Variants in TBC1D23 observed in about 807,000 individuals in gnomAD.
TBC1D23 encodes the protein HCV non-structural protein 4A-transactivated protein 1.
Under a neutral mutation model 91.4 loss-of-function variants are expected in TBC1D23, and 55 were observed. The observed-to-expected ratio is 0.60, with a 90% CI of 0.48 to 0.75. TBC1D23 has a LOEUF of 0.75. Ranked by LOEUF, TBC1D23 falls within the 30% of genes least tolerant of loss-of-function variation. The pLI, the probability that TBC1D23 is intolerant of heterozygous loss-of-function variation, is 0.00. For missense variants in TBC1D23, 725 were observed against 836.1 expected, an observed-to-expected ratio of 0.87 and a Z score of 1.64; for synonymous variants, 289 against 281.0, an observed-to-expected ratio of 1.03 and a Z score of -0.28.
chr3:100,311,954 G>A (rs1215547822), intron 15 of TBC1D23, 77 bp downstream of exon 15: 3 of 948,272 alleles, frequency 3.2e-6, no homozygotes, highest in Middle Eastern at 2.1e-4. Flanking sequence ...TAAGCCTCAT[G>A]CTGTCTTGGC....
chr3:100,295,604 G>A (rs955736376), intron 7 of TBC1D23, among the ~76,000 whole-genome samples: 2 of 151,690 alleles, frequency 1.3e-5, no homozygotes, highest in African/African-American at 2.4e-5. Context: ...TTCACTGTTC[G>A]AATAGATTGC....
At chr3:100,279,130 C>T (rs1204108582) in intron 1 of TBC1D23, among the ~76,000 whole-genome samples, 2 of 152,132 alleles carry the variant, frequency 1.3e-5, no homozygotes, top group Non-Finnish European at 2.9e-5. Flanking sequence ...TACTGGTAAA[C>T]ACCTAAAAGA....
chr3:100,310,757 G>A (rs1015382306), intron 14 of TBC1D23, among the ~76,000 whole-genome samples: 2 of 152,156 alleles, frequency 1.3e-5, no homozygotes, highest in African/African-American at 2.4e-5. Context: ...TGCAAATAAT[G>A]TATCTGTCAC....
chr3:100,283,459 T>C (rs2067712167), intron 3 of TBC1D23, 148 bp from the exon 4 acceptor site: 2 of 601,658 alleles, frequency 3.3e-6, no homozygotes, highest in South Asian at 2.3e-5. Context: ...TTAAAATAAG[T>C]ATAAGGGAAA....
Position 100,262,341 on chromosome 3 carries a change from G to C in TBC1D23, c.53+1270G>C, listed in dbSNP as rs181317788. On this transcript the variant is annotated intron_variant, in intron 1 of 18. Coordinates refer to ENST00000394144, the MANE Select transcript of TBC1D23 (RefSeq NM_001199198.3). Reference sequence around the variant, plus strand: ...CATGAAAGCAGCAGTGTTTCAACTAGGCTTTGAAGAATAAGTAGGATTTAA... The same window carrying C: ...CATGAAAGCAGCAGTGTTTCAACTACGCTTTGAAGAATAAGTAGGATTTAA... Among the ~76,000 whole-genome samples the C allele has an allele frequency of 4.1e-4, 62 of 152,290 alleles. 1 individual carries two copies. In the Middle Eastern group the frequency reaches 0.01, roughly 25 times the overall value.
intron 9 of TBC1D23, among the ~76,000 whole-genome samples, chr3:100,298,838 A>G (rs1235755876): frequency 6.6e-6 from 1 of 152,216 alleles, no homozygotes; most frequent in African/African-American, 2.4e-5. Context: ...ATAGATGTTT[A>G]GTTCTTACGT....
intron 15 of TBC1D23, 118 bp from the exon 16 acceptor site, chr3:100,315,981 T>G: frequency 2.6e-6 from 2 of 768,158 alleles, no homozygotes; most frequent in East Asian, 2.6e-5. Flanking sequence ...TACATGGGGT[T>G]TTGGGGGGGT....
chr3:100,263,741 C>A (rs2067533996), intron 1 of TBC1D23, among the ~76,000 whole-genome samples: 1 of 152,174 alleles, frequency 6.6e-6, no homozygotes, highest in South Asian at 2.1e-4. Context: ...TGAATTGTGT[C>A]ATAAACTGGC....
Position 100,281,767 on chromosome 3 carries a change from G to C in TBC1D23, c.191G>C (p.Gly64Ala). Residue 64 changes from glycine (G) to alanine (A), a missense_variant, in exon 3 of 19, where the codon GGT becomes GCT. Gly to Ala is a moderately conservative substitution (Grantham distance 60). Coordinates refer to ENST00000394144, the MANE Select transcript of TBC1D23 (RefSeq NM_001199198.3). ...WKIALNVAGK[G>A]DSLASWDGIL... ...ATTGCTCTGAATGTTGCAGGAAAAG[G>C]TGATAGTTTGGCATCATGGGATGGT... 3 of 1,612,350 alleles carry C rather than the reference G, an allele frequency of 1.9e-6. No individual in the cohort carries two copies. Among genetic ancestry groups the C allele is most frequent in the Non-Finnish European group, 2.5e-6 (3 of 1,178,872 alleles).
At chr3:100,306,710 T>A (rs985771038) in intron 13 of TBC1D23, among the ~76,000 whole-genome samples, 167 bp downstream of exon 13, 4 of 152,228 alleles carry the variant, frequency 2.6e-5, no homozygotes, top group Non-Finnish European at 5.9e-5. Context: ...AAGCCATTAT[T>A]TATTGTGAGA....
At position 100,296,728 on chromosome 3, in the gene TBC1D23, T is replaced by C. The variant is rs927819026; in HGVS notation, c.876+453T>C. 2.4e-4 allele frequency among the ~76,000 whole-genome samples: 36 copies of C among 151,744 alleles called. 1 individual carries two copies. Among genetic ancestry groups the C allele is most frequent in the South Asian group, 1.9e-3 (9 of 4,802 alleles). On this transcript the variant is annotated intron_variant, in intron 8 of 18. Transcript: ENST00000394144. ...ACAAAAAATTAGCCGGGCGTGGTGGTGGGCGCCTGTAGTCCCAGCTACTCG... is the reference window on the plus strand; with the variant it reads ...ACAAAAAATTAGCCGGGCGTGGTGGCGGGCGCCTGTAGTCCCAGCTACTCG...
At chr3:100,265,625 A>G (rs528532736) in intron 1 of TBC1D23, among the ~76,000 whole-genome samples, 1 of 152,326 alleles carries the variant, frequency 6.6e-6, no homozygotes, top group South Asian at 2.1e-4. Context: ...AATAATGTCT[A>G]AAGATCTATA....
Position 100,304,218 on chromosome 3 carries a change from G to A in TBC1D23, c.1264-628G>A, listed in dbSNP as rs143128326. Among the ~76,000 whole-genome samples the A allele has an allele frequency of 3.6e-3, 550 of 152,200 alleles. 2 individuals carry two copies. The highest frequency in any genetic ancestry group is 0.013 in the African/African-American group (523 of 41,550). On this transcript the variant is annotated intron_variant, in intron 11 of 18. Coordinates refer to ENST00000394144, the MANE Select transcript of TBC1D23 (RefSeq NM_001199198.3). The stretch of plus-strand genomic sequence containing the variant: ...GGATTTTGCTGATTACATTCACATG[G>A]TGTCATTTATCATGTTCTGTCCCTG...
chr3:100,293,967 A>G (rs1184885412), intron 5 of TBC1D23, among the ~76,000 whole-genome samples: 2 of 152,222 alleles, frequency 1.3e-5, no homozygotes, highest in African/African-American at 4.8e-5. Context: ...TGTTGTGAGA[A>G]TTTAAGTAAG....
At chr3:100,300,702 G>A (rs553961098) in intron 10 of TBC1D23, among the ~76,000 whole-genome samples, 35 of 151,906 alleles carry the variant, frequency 2.3e-4, no homozygotes, top group African/African-American at 8.0e-4. Context: ...GGGGGTTCAT[G>A]TTGGCCAGGC....
chr3:100,319,510 C>CCT (rs970515238), intron 17 of TBC1D23, among the ~76,000 whole-genome samples: 1 of 152,040 alleles, frequency 6.6e-6, no homozygotes, highest in African/African-American at 2.4e-5. Context: ...CTCACAGCAA[C>CCT]CTCTGCCTCC....
chr3:100,297,819 A>G, intron 8 of TBC1D23, 104 bp from the exon 9 acceptor site: 1 of 944,430 alleles, frequency 1.1e-6, no homozygotes, highest in Non-Finnish European at 1.5e-6. Flanking sequence ...ATCACAACTC[A>G]AGAGTATTAT....
Position 100,295,366 on chromosome 3 carries a change from T to G in TBC1D23, c.772+18T>G. 1 of 1,588,474 alleles carries G rather than the reference T, an allele frequency of 6.3e-7. No homozygotes were observed. Among genetic ancestry groups the G allele is most frequent in the Non-Finnish European group, 8.6e-7 (1 of 1,165,954 alleles). On this transcript the variant is annotated intron_variant, in intron 7 of 18. Coordinates refer to ENST00000394144, the MANE Select transcript of TBC1D23 (RefSeq NM_001199198.3). The stretch of plus-strand genomic sequence containing the variant: ...AGTTATCAGTAAGTATCATTTAATG[T>G]AGTGAAAACATTTCAGGTCTCTTTA...
chr3:100,291,042 A>G (rs1476646550), intron 5 of TBC1D23, among the ~76,000 whole-genome samples: 1 of 152,220 alleles, frequency 6.6e-6, no homozygotes, highest in Non-Finnish European at 1.5e-5. Flanking sequence ...TATCAGTTCA[A>G]TTGAGAACTT....
Sources: allele counts gnomAD v4.1 joint callset (sites outside exome capture counted in the v4.1 genomes callset), GRCh38; gene constraint gnomAD v4.1.1; transcripts MANE v1.5; gene names NCBI Gene and HGNC (gene_info 2026-07-23, HGNC 2026-07-21).